Variants in INSIG2 observed in about 807,000 individuals in gnomAD.
The protein encoded by INSIG2 is insulin induced gene 2, also known as insulin-induced gene 2 protein.
In INSIG2, 10 loss-of-function variants were observed where a neutral mutation model predicts 27.2. The observed-to-expected ratio is 0.37, with a 90% CI of 0.23 to 0.62. INSIG2 has a LOEUF of 0.62. Among genes scored for constraint, INSIG2 ranks in the 20% least tolerant of loss-of-function variants. The pLI is 0.65. For missense variants in INSIG2, 178 were observed against 270.2 expected (o/e 0.66, Z 2.39); for synonymous variants, 97 against 95.8 (o/e 1.01, Z -0.07).
At chr2:118,096,868 G>A (rs1678420846) in intron 2 of INSIG2, 68 bp downstream of exon 2, 1 of 1,487,384 alleles carries the variant, frequency 6.7e-7, no homozygotes, top group Non-Finnish European at 9.0e-7. Context: ...CGTTGTCTGA[G>A]CAATAAACCT....
At chr2:118,102,859 C>T (rs1463941336) in intron 2 of INSIG2, 1 of 187,660 alleles carries the variant, frequency 5.3e-6, no homozygotes, top group African/African-American at 2.4e-5. Context: ...TCGTAGGTAT[C>T]AGTAGTAGAA....
chr2:118,106,447 T>C (rs1390083496), intron 3 of INSIG2, among the ~76,000 whole-genome samples: 1 of 152,250 alleles, frequency 6.6e-6, no homozygotes, highest in Non-Finnish European at 1.5e-5. Flanking sequence ...TAAAGCCTTA[T>C]AATTGGGAAT....
At chr2:118,103,634 A>G (rs911597348) in intron 3 of INSIG2, among the ~76,000 whole-genome samples, 7 of 152,150 alleles carry the variant, frequency 4.6e-5, no homozygotes, top group African/African-American at 1.4e-4. Context: ...GAACAGGTAC[A>G]TTTTCAGAGG....
chr2:118,095,985 A>G (rs1215772963), intron 1 of INSIG2, among the ~76,000 whole-genome samples: 2 of 152,232 alleles, frequency 1.3e-5, no homozygotes, highest in Non-Finnish European at 2.9e-5. Context: ...CAGCGTCTTC[A>G]GTCAGAATAT....
intron 2 of INSIG2, among the ~76,000 whole-genome samples, chr2:118,099,610 G>C (rs185527757): frequency 2.6e-5 from 4 of 152,314 alleles, no homozygotes; most frequent in Non-Finnish European, 5.9e-5. Context: ...AAGACAACTC[G>C]TGTGGATAAA....
In INSIG2 at chr2:118,096,747, C is replaced by T. The variant is rs1678416860; in HGVS notation, c.191C>T (p.Ala64Val). ...NVTLFPPDVI[A>V]SIFSSAWWVP... ...ACGCTCTTTCCACCTGATGTGATTG[C>T]AAGCATCTTTTCTTCTGCATGGTGG... The change falls in exon 2 of 6, where the codon GCA becomes GTA. Residue 64 changes from alanine to valine, a missense_variant. Transcript: ENST00000245787. 1.9e-6 allele frequency: 3 copies of T among 1,613,944 alleles called. No homozygotes were observed. Among genetic ancestry groups the T allele is most frequent in the Non-Finnish European group, 2.5e-6 (3 of 1,179,964 alleles).
At chr2:118,095,322 G>A (rs1374095630) in intron 1 of INSIG2, among the ~76,000 whole-genome samples, 2 of 152,178 alleles carry the variant, frequency 1.3e-5, no homozygotes, top group African/African-American at 4.8e-5. Flanking sequence ...GACAGTTTGG[G>A]AGACTGAACA....
chr2:118,107,041 T>C (rs375928648), intron 4 of INSIG2, 49 bp from the exon 5 acceptor site: 22 of 1,459,534 alleles, frequency 1.5e-5, no homozygotes, highest in Non-Finnish European at 2.0e-5. Context: ...TTATCTTAAG[T>C]GTCATTGCAG....
intron 2 of INSIG2, among the ~76,000 whole-genome samples, chr2:118,102,191 A>G (rs911325261): frequency 6.6e-6 from 1 of 152,232 alleles, no homozygotes; most frequent in Non-Finnish European, 1.5e-5. Context: ...TTATTGCCAG[A>G]ATGGCACAAC....
intron 2 of INSIG2, among the ~76,000 whole-genome samples, chr2:118,098,674 C>A (rs922001911): frequency 6.6e-6 from 1 of 152,148 alleles, no homozygotes; most frequent in African/African-American, 2.4e-5. Context: ...CAGGGCTGCA[C>A]CTGCTGTCTT....
chr2:118,105,776 G>A (rs1036066544), intron 3 of INSIG2, among the ~76,000 whole-genome samples: 1 of 152,118 alleles, frequency 6.6e-6, no homozygotes, highest in Non-Finnish European at 1.5e-5. Flanking sequence ...TTCTCTATAC[G>A]TGCAGCATGG....
intron 2 of INSIG2, among the ~76,000 whole-genome samples, chr2:118,099,185 G>T (rs896674818): frequency 2.6e-5 from 4 of 152,218 alleles, no homozygotes; most frequent in Admixed American, 6.5e-5. Context: ...GTGTATATGT[G>T]TTGGCGTGGA....
At chr2:118,103,069 CTTTTTTTTTTGT>C (rs1678585871) in intron 2 of INSIG2, 116 bp from the exon 3 acceptor site, 3 of 787,488 alleles carry the variant, frequency 3.8e-6, no homozygotes, top group East Asian at 5.7e-5. Flanking sequence ...TGTGAAATAA[CTTTTTTTTTTGT>C]TTTTTTTTTT....
rs148969837 is a variant in INSIG2 at position 118,092,376 on chromosome 2, C to A, written c.-139+3835C>A. Among the ~76,000 whole-genome samples, 11 of 152,256 alleles carry A rather than the reference C, an allele frequency of 7.2e-5. No homozygotes were observed. The East Asian group carries it at 2.1e-3, about 29-fold the overall frequency. ...GATCTAGTACTATTAAAGAAAATTT[C>A]AAGGTGATTTTACATTTATTCTCAT... is the stretch of plus-strand genomic sequence containing the variant. On this transcript the variant is annotated intron_variant, in intron 1 of 5. Coordinates refer to ENST00000245787, the MANE Select transcript of INSIG2 (RefSeq NM_016133.4).
intron 2 of INSIG2, among the ~76,000 whole-genome samples, chr2:118,100,264 C>G (rs1477465668): frequency 6.6e-6 from 1 of 151,818 alleles, no homozygotes; most frequent in Non-Finnish European, 1.5e-5. Flanking sequence ...CTAGCACAGG[C>G]AAGGAGAAGC....
At chr2:118,103,153 T>TACA (rs1202894700) in intron 2 of INSIG2, 44 bp from the exon 3 acceptor site, 1 of 1,583,758 alleles carries the variant, frequency 6.3e-7, no homozygotes, top group Non-Finnish European at 8.6e-7. Flanking sequence ...GTGTTGCCAG[T>TACA]ACAACATTGG....
rs2104545124 is a variant in INSIG2, at chr2:118,110,003, A to AT, written c.*1683dup. On this transcript the variant is annotated 3_prime_UTR_variant, in exon 6 of 6. Transcript: ENST00000245787. ...AAAATTGCTGTTAAAAGCAACACGTATTAAATATGTAATTATCATCTGGGT... is the reference window on the plus strand; with the variant it reads ...AAAATTGCTGTTAAAAGCAACACGTATTTAAATATGTAATTATCATCTGGGT... 1.3e-5 allele frequency: 2 copies of AT among 152,768 alleles called. No individual in the cohort carries two copies. Among genetic ancestry groups the AT allele is most frequent in the East Asian group, 3.9e-4 (2 of 5,190 alleles). The allele number at this position is 152,768 out of a possible 1,614,324, so 9.5% of individuals were successfully genotyped here.
At position 118,108,492 on chromosome 2, in the gene INSIG2, A is replaced by G; in HGVS notation, c.*170A>G. ...TATATACACACACACATATTACTGC[A>G]ATCTGTGATTGCTTCATCTGTAAAT... On this transcript the variant is annotated 3_prime_UTR_variant, in exon 6 of 6. Coordinates refer to ENST00000245787, the MANE Select transcript of INSIG2 (RefSeq NM_016133.4). The G allele has an allele frequency of 2.0e-6, 1 of 488,060 alleles. No homozygotes were observed. Among genetic ancestry groups the G allele is most frequent in the Non-Finnish European group, 3.7e-6 (1 of 271,496 alleles). The allele number at this position is 488,060 out of a possible 1,614,324, so 30.2% of individuals were successfully genotyped here.
rs1678746625 is a variant in INSIG2, at chr2:118,109,042, A to G, written c.*720A>G. ...CAGCATTAAATTGTTTTGGTTCTAAATTTGGAACAGTATATATAATTAAAA... is the reference window on the plus strand; with the variant it reads ...CAGCATTAAATTGTTTTGGTTCTAAGTTTGGAACAGTATATATAATTAAAA... On this transcript the variant is annotated 3_prime_UTR_variant, in exon 6 of 6. Transcript: ENST00000245787. 1 of 152,220 alleles carries G rather than the reference A, an allele frequency of 6.6e-6. No individual in the cohort carries two copies. Among genetic ancestry groups the G allele is most frequent in the Admixed American group, 6.5e-5 (1 of 15,282 alleles). 9.4% of individuals were successfully genotyped at this position (152,220 alleles called of 1,614,324 possible).
Sources: allele counts gnomAD v4.1 joint callset (sites outside exome capture counted in the v4.1 genomes callset), GRCh38; gene constraint gnomAD v4.1.1; transcripts MANE v1.5; gene names NCBI Gene and HGNC (gene_info 2026-07-23, HGNC 2026-07-21).